Variants in UTRN observed in about 807,000 individuals in gnomAD.
The protein encoded by UTRN is dystrophin-related protein 1.
In UTRN, 283 loss-of-function variants were observed where a neutral mutation model predicts 463.9. The observed-to-expected ratio is 0.61, with a 90% confidence interval of 0.55 to 0.67. The LOEUF is 0.67. UTRN is among the 30% of genes least tolerant of loss of function. The pLI is 0.00. For missense variants in UTRN, 3,922 were observed against 4,084.3 expected (o/e 0.96, Z 1.08); for synonymous variants, 1,442 against 1,431.5 (o/e 1.01, Z -0.17).
intron 2 of UTRN, among the ~76,000 whole-genome samples, chr6:144,332,306 C>T (rs1776392507): frequency 1.3e-5 from 2 of 152,190 alleles, no homozygotes; most frequent in Admixed American, 1.3e-4. Context: ...CGATTGTGTC[C>T]ATAGTGCCTT....
At chr6:144,385,976 T>C (rs1296646299) in intron 2 of UTRN, among the ~76,000 whole-genome samples, 1 of 152,186 alleles carries the variant, frequency 6.6e-6, no homozygotes, top group Non-Finnish European at 1.5e-5. Context: ...CCCAAAGTGC[T>C]GGGATTATAG....
intron 53 of UTRN, among the ~76,000 whole-genome samples, chr6:144,726,572 A>T (rs1158942757): frequency 6.6e-6 from 1 of 152,188 alleles, no homozygotes; most frequent in African/African-American, 2.4e-5. Flanking sequence ...TAAGAGAGGG[A>T]CTAAACAAGA....
At chr6:144,587,652 T>G (rs1802597789) in intron 51 of UTRN, among the ~76,000 whole-genome samples, 1 of 152,192 alleles carries the variant, frequency 6.6e-6, no homozygotes, top group Non-Finnish European at 1.5e-5. Context: ...TTTTTTACTC[T>G]CAAACATTTC....
intron 58 of UTRN, among the ~76,000 whole-genome samples, chr6:144,766,818 C>T (rs960527191): frequency 1.3e-5 from 2 of 150,970 alleles, no homozygotes; most frequent in African/African-American, 2.5e-5. Flanking sequence ...AAGGATGGCA[C>T]GTCTGTAAAC....
chr6:144,725,231 C>T (rs1033907137), intron 53 of UTRN, among the ~76,000 whole-genome samples: 1 of 152,214 alleles, frequency 6.6e-6, no homozygotes, highest in Non-Finnish European at 1.5e-5. Context: ...TGTCTTGCCT[C>T]CCGCCATGTA....
At chr6:144,521,471 C>A (rs1796086759) in intron 39 of UTRN, among the ~76,000 whole-genome samples, 1 of 152,128 alleles carries the variant, frequency 6.6e-6, no homozygotes. Context: ...AGATTACATA[C>A]TGAATTACCT....
chr6:144,390,222 T>C (rs1781785338), intron 2 of UTRN, among the ~76,000 whole-genome samples: 1 of 152,116 alleles, frequency 6.6e-6, no homozygotes, highest in Non-Finnish European at 1.5e-5. Context: ...ATCATGCCCA[T>C]CCACCTCACC....
intron 58 of UTRN, among the ~76,000 whole-genome samples, chr6:144,768,626 T>C (rs1453928327): frequency 6.6e-6 from 1 of 152,218 alleles, no homozygotes; most frequent in Non-Finnish European, 1.5e-5. Context: ...AATTTACCTC[T>C]GGATGCAAAG....
intron 2 of UTRN, among the ~76,000 whole-genome samples, chr6:144,389,081 T>C (rs1328266776): frequency 2.0e-5 from 3 of 152,084 alleles, no homozygotes; most frequent in Non-Finnish European, 1.5e-5. Context: ...CACAGTTTGG[T>C]TTTATACATT....
chr6:144,807,411 A>T (rs1298653702), intron 65 of UTRN, among the ~76,000 whole-genome samples: 2 of 152,116 alleles, frequency 1.3e-5, no homozygotes, highest in African/African-American at 2.4e-5. Context: ...GTATATATAA[A>T]TTATCTGAAG....
In UTRN at chr6:144,554,904, TC is replaced by T. The variant is rs1203309662; in HGVS notation, c.7134+12del. The T allele has an allele frequency of 1.9e-6, 3 of 1,613,470 alleles. No homozygotes were observed. In the East Asian group the frequency reaches 6.7e-5, roughly 36 times the overall value. ...ATTTCTGATAACCAAGTAAGACTCATCAGATATTTTTTGGCAGTATTGTTTT... is the reference window on the plus strand; with the variant it reads ...ATTTCTGATAACCAAGTAAGACTCATAGATATTTTTTGGCAGTATTGTTTT... On this transcript the variant is annotated intron_variant, in intron 49 of 74. Coordinates refer to ENST00000367545, the MANE Select transcript of UTRN (RefSeq NM_007124.3).
At chr6:144,644,422 G>A (rs935065085) in intron 51 of UTRN, among the ~76,000 whole-genome samples, 5 of 151,822 alleles carry the variant, frequency 3.3e-5, no homozygotes, top group Non-Finnish European at 4.4e-5. Context: ...ATTAAGAAGT[G>A]AAAATAAATA....
At chr6:144,403,209 G>T in intron 3 of UTRN, 25 bp downstream of exon 3, 1 of 1,600,254 alleles carries the variant, frequency 6.2e-7, no homozygotes, top group South Asian at 1.1e-5. Flanking sequence ...CAAAAACTTC[G>T]ATGGTTCAGA....
chr6:144,757,099 A>T (rs890560656), intron 57 of UTRN, among the ~76,000 whole-genome samples: 2 of 152,044 alleles, frequency 1.3e-5, no homozygotes, highest in African/African-American at 4.8e-5. Context: ...TATTATTTGA[A>T]TTTTTATATT....
At chr6:144,789,149 A>G (rs1165858085) in intron 61 of UTRN, 45 bp from the exon 62 acceptor site, 2 of 1,458,128 alleles carry the variant, frequency 1.4e-6, no homozygotes, top group Admixed American at 3.6e-5. Flanking sequence ...CATGCTGTAT[A>G]TGGTTTTAAA....
chr6:144,415,142 G>C (rs2114829580), intron 3 of UTRN, among the ~76,000 whole-genome samples: 1 of 152,292 alleles, frequency 6.6e-6, no homozygotes, highest in Middle Eastern at 3.4e-3. Flanking sequence ...GCCTAGGAGT[G>C]ATATGCTATA....
chr6:144,761,432 A>AT (rs1276788765), intron 58 of UTRN, among the ~76,000 whole-genome samples: 1 of 151,958 alleles, frequency 6.6e-6, no homozygotes, highest in African/African-American at 2.4e-5. Context: ...AGGCGGGTGG[A>AT]TTGCTTGCCC....
At chr6:144,614,350 C>T (rs1054920217) in intron 51 of UTRN, among the ~76,000 whole-genome samples, 1 of 152,032 alleles carries the variant, frequency 6.6e-6, no homozygotes, top group Non-Finnish European at 1.5e-5. Context: ...AAAAGAGTGG[C>T]TACCAAATCA....
In UTRN at chr6:144,462,746, A is replaced by G; in HGVS notation, c.2946A>G (p.Val982=). Residue 982 remains valine, a synonymous_variant, in exon 23 of 75, where the codon GTA becomes GTG. Transcript: ENST00000367545. The part of the protein sequence containing the change: ...KALEKNVHPD[V]EKLYKQEFDD... ...TGGAGAAAAATGTTCATCCTGATGT[A>G]GAAAAATTATATAAGCAAGAATTTG... The G allele has an allele frequency of 6.2e-7, 1 of 1,612,058 alleles. No individual in the cohort carries two copies. Among genetic ancestry groups the G allele is most frequent in the Non-Finnish European group, 8.5e-7 (1 of 1,179,566 alleles).
Sources: gnomAD v4.1 joint callset for allele counts (sites outside exome capture counted in the v4.1 genomes callset) on GRCh38, gnomAD v4.1.1 for gene constraint, MANE v1.5 for transcripts, NCBI Gene and HGNC (gene_info 2026-07-23, HGNC 2026-07-21) for gene names.